The following NCAPG variants were observed in gnomAD, a reference collection of about 807,000 sequenced individuals.
The protein encoded by NCAPG is condensin complex subunit 3.
In NCAPG, 69 loss-of-function variants were observed where a neutral mutation model predicts 113.1. That is an observed-to-expected ratio of 0.61 (90% CI 0.50 to 0.75). The LOEUF is 0.75. Among genes scored for constraint, NCAPG ranks in the 30% least tolerant of loss-of-function variants. The pLI is 0.00. For missense variants in NCAPG, 1,058 were observed against 1,177.0 expected (o/e 0.90, Z 1.48); for synonymous variants, 370 against 415.8 (o/e 0.89, Z 1.34).
At chr4:17,819,616 G>T (rs1279285030) in intron 7 of NCAPG, among the ~76,000 whole-genome samples, 1 of 152,118 alleles carries the variant, frequency 6.6e-6, no homozygotes, top group Non-Finnish European at 1.5e-5. Context: ...TGGCCAGGAT[G>T]GTCTCAATCT....
intron 13 of NCAPG, among the ~76,000 whole-genome samples, chr4:17,833,580 C>G (rs1376683299): frequency 6.7e-6 from 1 of 149,798 alleles, no homozygotes; most frequent in Non-Finnish European, 1.5e-5. Flanking sequence ...TTTTTAATAT[C>G]TTAATTAAAT....
Position 17,817,363 on chromosome 4 carries a change from C to T in NCAPG, c.878C>T (p.Ser293Phe). Residue 293 changes from serine to phenylalanine, a missense_variant, in exon 6 of 21, where the codon TCT becomes TTT. Physicochemically the swap from Ser to Phe is radical, Grantham distance 155 (BLOSUM62 -2). Coordinates refer to ENST00000251496, the MANE Select transcript of NCAPG (RefSeq NM_022346.5). ...CTCCATCGGTTGGATGTAGAAAATT[C>T]TTCTGAAGTGGCAGTCTCTGTTCTC... is the stretch of plus-strand genomic sequence containing the variant. Reference protein sequence around the residue: ...ELLHRLDVENSSEVAVSVLNA... With the variant: ...ELLHRLDVENFSEVAVSVLNA... 1.2e-6 allele frequency: 2 copies of T among 1,614,058 alleles called. No individual in the cohort carries two copies. The highest frequency in any genetic ancestry group is 2.2e-5 in the East Asian group (1 of 44,870).
chr4:17,812,666 C>T (rs1005760135), intron 2 of NCAPG, among the ~76,000 whole-genome samples: 1 of 152,110 alleles, frequency 6.6e-6, no homozygotes, highest in East Asian at 1.9e-4. Context: ...TAAATGAGTT[C>T]TGTATTTTAG....
rs747262423 is a variant in NCAPG, at chr4:17,839,851, T to A, written c.2628+14T>A. The A allele has an allele frequency of 7.6e-6, 12 of 1,572,734 alleles. No individual in the cohort carries two copies. The South Asian group carries it at 1.3e-4, about 17-fold the overall frequency. On this transcript the variant is annotated intron_variant, in intron 17 of 20. Coordinates refer to ENST00000251496, the MANE Select transcript of NCAPG (RefSeq NM_022346.5). ...GAGATTCTGGAGGTAAAGTAGTTTC[T>A]CATTACTCTAAATTAGTTTGTGTTT... is the stretch of plus-strand genomic sequence containing the variant.
At chr4:17,828,818 T>C (rs1721757003) in intron 12 of NCAPG, among the ~76,000 whole-genome samples, 1 of 151,912 alleles carries the variant, frequency 6.6e-6, no homozygotes, top group African/African-American at 2.4e-5. Flanking sequence ...GTAATTCCCA[T>C]AGGGACACAA....
At chr4:17,812,642 T>C (rs575025460) in intron 2 of NCAPG, among the ~76,000 whole-genome samples, 1 of 152,348 alleles carries the variant, frequency 6.6e-6, no homozygotes, top group South Asian at 2.1e-4. Context: ...AAACCAGTTC[T>C]CCTTTGTTTA....
At position 17,817,352 on chromosome 4, in the gene NCAPG, T is replaced by C. The variant is rs376504221; in HGVS notation, c.867T>C (p.Asp289=). The C allele has an allele frequency of 8.1e-6, 13 of 1,613,982 alleles. No individual in the cohort carries two copies. The highest frequency in any genetic ancestry group is 1.1e-5 in the Non-Finnish European group (13 of 1,179,980). Residue 289 remains aspartate (D), a synonymous_variant, in exon 6 of 21, where the codon GAT becomes GAC. Transcript: ENST00000251496. The part of the protein sequence containing the change: ...GNILELLHRL[D]VENSSEVAVS... ...TCTTAGAGTTGCTCCATCGGTTGGA[T>C]GTAGAAAATTCTTCTGAAGTGGCAG...
At chr4:17,819,291 T>A (rs1721349823) in intron 7 of NCAPG, among the ~76,000 whole-genome samples, 1 of 152,182 alleles carries the variant, frequency 6.6e-6, no homozygotes, top group Admixed American at 6.5e-5. Flanking sequence ...CATTTTTGGG[T>A]ACCTTTGGGA....
At chr4:17,816,344 G>A (rs1225827332) in intron 5 of NCAPG, among the ~76,000 whole-genome samples, 1 of 152,130 alleles carries the variant, frequency 6.6e-6, no homozygotes, top group Non-Finnish European at 1.5e-5. Flanking sequence ...GTTAGACCAC[G>A]GCTTACCTCC....
intron 3 of NCAPG, among the ~76,000 whole-genome samples, chr4:17,814,601 T>C (rs1344457871): frequency 6.6e-6 from 1 of 152,198 alleles, no homozygotes; most frequent in Non-Finnish European, 1.5e-5. Flanking sequence ...CATGCCTAGC[T>C]AATTTTTTAT....
chr4:17,830,097 T>A (rs1458905172), intron 12 of NCAPG, among the ~76,000 whole-genome samples: 1 of 152,058 alleles, frequency 6.6e-6, no homozygotes, highest in Non-Finnish European at 1.5e-5. Flanking sequence ...GCTGTAAGGA[T>A]TAAAAACATG....
At chr4:17,840,276 A>G (rs1311076085) in intron 18 of NCAPG, 67 bp downstream of exon 18, 1 of 1,430,184 alleles carries the variant, frequency 7.0e-7, no homozygotes. Context: ...ACTGAGACAT[A>G]TTTTTTTCTA....
intron 7 of NCAPG, among the ~76,000 whole-genome samples, chr4:17,819,603 T>C (rs1206453246): frequency 5.3e-5 from 8 of 152,204 alleles, no homozygotes; most frequent in African/African-American, 1.9e-4. Flanking sequence ...GGTTTCACCA[T>C]GTTGGCCAGG....
chr4:17,817,815 G>C (rs1308829660), intron 6 of NCAPG, 124 bp from the exon 7 acceptor site: 2 of 935,744 alleles, frequency 2.1e-6, no homozygotes, highest in African/African-American at 1.7e-5. Flanking sequence ...ATACATTAAT[G>C]ACTCTAATTA....
chr4:17,811,866 G>A lies in NCAPG; in HGVS notation c.112-355G>A, dbSNP rs991409842. Among the ~76,000 whole-genome samples the A allele has an allele frequency of 4.6e-5, 7 of 152,198 alleles. No homozygotes were observed. Among genetic ancestry groups the A allele is most frequent in the Admixed American group, 1.3e-4 (2 of 15,280 alleles). Reference sequence around the variant, plus strand: ...TCTCATAAAGAAACTGCTGGTGATAGGAAGGCCTGAATATGAGAAATATAA... The same window carrying A: ...TCTCATAAAGAAACTGCTGGTGATAAGAAGGCCTGAATATGAGAAATATAA... On this transcript the variant is annotated intron_variant, in intron 1 of 20. Coordinates refer to ENST00000251496, the MANE Select transcript of NCAPG (RefSeq NM_022346.5). This position sits in a 1 kb window ranked among gnomAD's most constrained non-coding sequence, Gnocchi z 5.3.
chr4:17,830,931 G>A, intron 12 of NCAPG, 66 bp from the exon 13 acceptor site: 2 of 1,505,918 alleles, frequency 1.3e-6, no homozygotes, highest in Non-Finnish European at 1.8e-6. Context: ...CACCTTTGAG[G>A]TAATAGACAA....
At position 17,825,070 on chromosome 4, in the gene NCAPG, T is replaced by C. The variant is rs1475872726; in HGVS notation, c.1473+13T>C. ...GAAAGAACTCAAGGTAAGTCTCTTT[T>C]AAATGAAAGAAGTGCTTGAGTGTAA... On this transcript the variant is annotated intron_variant, in intron 10 of 20. Transcript: ENST00000251496. 3 of 1,591,746 alleles carry C rather than the reference T, an allele frequency of 1.9e-6. No individual in the cohort carries two copies. The Admixed American group carries it at 5.1e-5, about 27-fold the overall frequency.
At chr4:17,834,189 G>A (rs1278871039) in intron 13 of NCAPG, 110 bp from the exon 14 acceptor site, 29 of 648,316 alleles carry the variant, frequency 4.5e-5, no homozygotes, top group Middle Eastern at 8.7e-4. Context: ...ACTAGACACT[G>A]TCATTAAAAT....
Position 17,842,293 on chromosome 4 carries a change from AT to A in NCAPG, c.2855-15del. 6.2e-7 allele frequency: 1 copy of A among 1,608,080 alleles called. No individual in the cohort carries two copies. Among genetic ancestry groups the A allele is most frequent in the Non-Finnish European group, 8.5e-7 (1 of 1,175,226 alleles). ...AACTGATAATAAATCCTGATAATGA[AT>A]TATACTATCTTCAAGGACAGAGAAA... On this transcript the variant is annotated splice_polypyrimidine_tract_variant and intron_variant, in intron 19 of 20. Coordinates refer to ENST00000251496, the MANE Select transcript of NCAPG (RefSeq NM_022346.5).
Sources: allele counts gnomAD v4.1 joint callset (sites outside exome capture counted in the v4.1 genomes callset), GRCh38; gene constraint gnomAD v4.1.1; non-coding constraint Gnocchi (gnomAD v3.1); transcripts MANE v1.5; gene names NCBI Gene and HGNC (gene_info 2026-07-23, HGNC 2026-07-21).